The following VPS45 variants were observed in gnomAD, a reference collection of about 807,000 sequenced individuals.
VPS45 encodes the protein vacuolar protein sorting 45 homolog.
A neutral mutation model predicts 75.9 loss-of-function variants in VPS45; 35 were observed. That is an observed-to-expected ratio of 0.46 (90% CI 0.35 to 0.61). The LOEUF (loss-of-function observed/expected upper bound fraction) is 0.61, where lower values mean the gene tolerates loss of function less well. VPS45 is among the 20% of genes least tolerant of loss of function. VPS45 has a pLI of 0.00. For synonymous variants in VPS45, 220 were observed against 238.2 expected (o/e 0.92, Z 0.70); for missense variants, 559 against 685.9 (o/e 0.81, Z 2.07).
intron 14 of VPS45, among the ~76,000 whole-genome samples, chr1:150,113,643 C>A (rs1657766874): frequency 6.6e-6 from 1 of 152,144 alleles, no homozygotes; most frequent in South Asian, 2.1e-4. Flanking sequence ...CACCTGTAAT[C>A]CCAGCACTTT....
At position 150,081,476 on chromosome 1, in the gene VPS45, T is replaced by C; in HGVS notation, c.822T>C (p.Asn274=). ...CTGAAAATGATGAATTCTATGCTAA[T>C]GTAGGTGGTTTAAATTTTTTTAAAT... ...LSAENDEFYA[N]NMYLNFAEIG... is the part of the protein sequence containing the mutation. Residue 274 remains asparagine, a splice_region_variant and synonymous_variant, in exon 8 of 15, where the codon AAT becomes AAC. Transcript: ENST00000644510. 6.3e-7 allele frequency: 1 copy of C among 1,594,610 alleles called. No individual in the cohort carries two copies. Among genetic ancestry groups the C allele is most frequent in the Non-Finnish European group, 8.5e-7 (1 of 1,175,544 alleles).
chr1:150,095,653 A>G (rs1656605892), intron 13 of VPS45, among the ~76,000 whole-genome samples: 2 of 152,026 alleles, frequency 1.3e-5, no homozygotes, highest in African/African-American at 4.8e-5. Flanking sequence ...TAGGAGAGAA[A>G]GCATCCAAAG....
chr1:150,073,069 T>C (rs192433757), intron 3 of VPS45, among the ~76,000 whole-genome samples: 133 of 152,286 alleles, frequency 8.7e-4, no homozygotes, highest in Non-Finnish European at 1.3e-3. Flanking sequence ...GTAGGGGAGA[T>C]CTGGAAATAA....
chr1:150,096,385 A>C lies in VPS45; in HGVS notation c.1493+2737A>C, dbSNP rs587727072. ...ATTAGTACAGGTAAATTGGAAGTTG[A>C]GAGGTAGTTATTGGATAAAGATATT... On this transcript the variant is annotated intron_variant, in intron 13 of 14. Transcript: ENST00000644510. Among the ~76,000 whole-genome samples the C allele has an allele frequency of 3.3e-5, 5 of 152,298 alleles. No homozygotes were observed. In the East Asian group the frequency reaches 9.7e-4, roughly 29 times the overall value.
chr1:150,118,888 G>T (rs1279545807), intron 14 of VPS45, among the ~76,000 whole-genome samples: 1 of 152,194 alleles, frequency 6.6e-6, no homozygotes, highest in Non-Finnish European at 1.5e-5. Context: ...ATTTTGGACA[G>T]AATTGTTCAC....
intron 14 of VPS45, among the ~76,000 whole-genome samples, chr1:150,134,768 A>G (rs1347548434): frequency 6.6e-6 from 1 of 152,186 alleles, no homozygotes; most frequent in Non-Finnish European, 1.5e-5. Context: ...ATGTGAACAT[A>G]CCACAGTTTA....
chr1:150,114,812 G>A (rs991304384), intron 14 of VPS45, among the ~76,000 whole-genome samples: 2 of 151,596 alleles, frequency 1.3e-5, no homozygotes, highest in Non-Finnish European at 2.9e-5. Context: ...TTGGGAGGCT[G>A]AGGTGGGAAG....
chr1:150,130,263 G>A (rs1021882059), intron 14 of VPS45, among the ~76,000 whole-genome samples: 4 of 131,824 alleles, frequency 3.0e-5, no homozygotes, highest in African/African-American at 1.1e-4. Flanking sequence ...GTGCAGTGAT[G>A]TGATCTTGGT....
intron 10 of VPS45, among the ~76,000 whole-genome samples, chr1:150,084,445 G>A (rs180677881): frequency 2.6e-5 from 4 of 152,216 alleles, no homozygotes; most frequent in African/African-American, 9.6e-5. Context: ...ACATTTCAAA[G>A]GGAGAAGAAT....
At chr1:150,103,069 A>AT (rs1212482896) in intron 13 of VPS45, among the ~76,000 whole-genome samples, 151,689 of 152,230 alleles carry the variant, frequency 1, 75,577 homozygotes, top group Middle Eastern at 1. Context: ...ATTTTTTTTT[A>AT]TTTTTAACAA....
At chr1:150,142,940 C>CCGTCCCCCCGTCCCCCCGATGGA (rs1659471596) in intron 14 of VPS45, 2 of 392,286 alleles carry the variant, frequency 5.1e-6, no homozygotes, top group Non-Finnish European at 1.0e-5. Flanking sequence ...GCGTAAGCCA[C>CCGTCCCCCCGTCCCCCCGATGGA]TGCACCCGTC....
intron 13 of VPS45, among the ~76,000 whole-genome samples, chr1:150,102,991 T>G (rs1392772354): frequency 6.6e-6 from 1 of 152,170 alleles, no homozygotes; most frequent in African/African-American, 2.4e-5. Context: ...TAACAAACCT[T>G]CACATGTACC....
At chr1:150,101,525 G>A (rs1553804320) in intron 13 of VPS45, among the ~76,000 whole-genome samples, 2 of 151,652 alleles carry the variant, frequency 1.3e-5, no homozygotes, top group Non-Finnish European at 2.9e-5. Flanking sequence ...CACAAGATCA[G>A]GAGTTCGAGA....
chr1:150,102,080 A>AT (rs1259005171), intron 13 of VPS45, among the ~76,000 whole-genome samples: 2 of 428 alleles, frequency 4.7e-3, no homozygotes, highest in African/African-American at 0.019. Context: ...CTACTAAAAA[A>AT]TAAAAAAATT....
intron 13 of VPS45, among the ~76,000 whole-genome samples, chr1:150,108,692 TAAGTC>T (rs142646066): frequency 2.6e-4 from 39 of 152,282 alleles, no homozygotes; most frequent in Non-Finnish European, 4.4e-4. Context: ...ATGTTGCTGA[TAAGTC>T]AAGTAATATA....
At chr1:150,067,592 A>C, upstream of VPS45, 1 of 467,602 alleles carries the variant, frequency 2.1e-6, no homozygotes, top group Non-Finnish European at 3.8e-6. Flanking sequence ...GGCCTCAGGC[A>C]TCTTCAGGCC....
Position 150,092,050 on chromosome 1 carries a change from A to G in VPS45, c.1218A>G (p.Leu406=). Residue 406 remains leucine (L), a synonymous_variant, in exon 11 of 15, where the codon CTA becomes CTG. Transcript: ENST00000644510. ...ERHSSNSLPG[L]MMDLRNKGVS... is the part of the protein sequence containing the mutation. Reference sequence around the variant, plus strand: ...ACAGCAGCAATAGCCTGCCAGGACTAATGATGGACCTCAGGAATAAAGGTG... The same window carrying G: ...ACAGCAGCAATAGCCTGCCAGGACTGATGATGGACCTCAGGAATAAAGGTG... The G allele has an allele frequency of 6.2e-7, 1 of 1,614,164 alleles. No homozygotes were observed. Among genetic ancestry groups the G allele is most frequent in the Non-Finnish European group, 8.5e-7 (1 of 1,180,010 alleles).
intron 13 of VPS45, among the ~76,000 whole-genome samples, chr1:150,097,053 T>C (rs1389532748): frequency 6.6e-6 from 1 of 151,444 alleles, no homozygotes; most frequent in East Asian, 1.9e-4. Flanking sequence ...TTTTAAGATA[T>C]ATTAGATAGA....
chr1:150,106,226 G>A (rs782322496), intron 13 of VPS45, among the ~76,000 whole-genome samples: 1 of 152,064 alleles, frequency 6.6e-6, no homozygotes, highest in Non-Finnish European at 1.5e-5. Flanking sequence ...GATCCCAAAA[G>A]CAAATGCAAC....
Sources: allele counts gnomAD v4.1 joint callset (sites outside exome capture counted in the v4.1 genomes callset), GRCh38; gene constraint gnomAD v4.1.1; transcripts MANE v1.5; gene names NCBI Gene and HGNC (gene_info 2026-07-23, HGNC 2026-07-21).